The following COL8A1 variants were observed in gnomAD, a reference collection of about 807,000 sequenced individuals.
COL8A1 encodes collagen type VIII alpha 1 chain, also known as collagen alpha-1(VIII) chain.
In COL8A1, 21 loss-of-function variants were observed where a neutral mutation model predicts 42.7. That is an observed-to-expected ratio of 0.49 (90% CI 0.35 to 0.71). The LOEUF (loss-of-function observed/expected upper bound fraction) is 0.71, where lower values mean the gene tolerates loss of function less well. Ranked by LOEUF, COL8A1 falls within the 30% of genes least tolerant of loss-of-function variation. The probability of loss-of-function intolerance (pLI) is 0.01; values close to 1 mark genes in which losing one functional copy is unlikely to be tolerated. For missense variants in COL8A1, 788 were observed against 962.4 expected (o/e 0.82, Z 2.40); for synonymous variants, 367 against 369.1 (o/e 0.99, Z 0.06).
In COL8A1 at chr3:99,795,706, G is replaced by A. The variant is rs2107460850; in HGVS notation, c.1805G>A (p.Gly602Glu). ...IDGVKPPHAY[G>E]AKKGKNGGPA... ...GGCGTGAAACCCCCCCATGCCTACG[G>A]GGCTAAGAAAGGCAAGAATGGAGGG... The change falls in exon 4 of 4, where the codon GGG becomes GAG. Residue 602 changes from glycine to glutamate, a missense_variant. Physicochemically the swap from Gly to Glu is moderately conservative, Grantham distance 98. This residue lies in a region of COL8A1 where 212 missense variants were observed against 210.9 expected (regional missense o/e 1.00). Transcript: ENST00000652472. The A allele has an allele frequency of 6.8e-6, 11 of 1,614,100 alleles. No homozygotes were observed. The South Asian group carries it at 1.1e-4, about 16-fold the overall frequency.
At position 99,798,022 on chromosome 3, in the gene COL8A1, C is replaced by A. The variant is rs1376125223; in HGVS notation, c.*1886C>A. The A allele has an allele frequency of 6.6e-6, 1 of 151,862 alleles. No homozygotes were observed. Among genetic ancestry groups the A allele is most frequent in the African/African-American group, 2.4e-5 (1 of 41,332 alleles). 9.4% of individuals were successfully genotyped at this position (151,862 alleles called of 1,614,324 possible). ...GTGGTGGAATCTTGTATATTTTTGTCAAAAATAAAACCATGAGTTAAGGGG... is the reference window on the plus strand; with the variant it reads ...GTGGTGGAATCTTGTATATTTTTGTAAAAAATAAAACCATGAGTTAAGGGG... On this transcript the variant is annotated 3_prime_UTR_variant, in exon 4 of 4. Transcript: ENST00000652472.
intron 1 of COL8A1, among the ~76,000 whole-genome samples, chr3:99,647,775 G>T (rs555360844): frequency 3.9e-5 from 6 of 152,260 alleles, no homozygotes; most frequent in Admixed American, 2.6e-4. Flanking sequence ...CATCAATAGG[G>T]AGCTAATTTC....
intron 1 of COL8A1, among the ~76,000 whole-genome samples, chr3:99,706,843 C>T (rs1939692465): frequency 6.6e-6 from 1 of 152,016 alleles, no homozygotes; most frequent in Admixed American, 6.6e-5. Context: ...TTGAAATCAC[C>T]GCAAAAGGGA....
chr3:99,678,752 C>G (rs1938777450), intron 1 of COL8A1: 1 of 151,994 alleles, frequency 6.6e-6, no homozygotes, highest in Non-Finnish European at 1.5e-5. Context: ...AAAATAGTTA[C>G]TAATGTTGTT....
intron 1 of COL8A1, among the ~76,000 whole-genome samples, chr3:99,738,310 A>G (rs544956383): frequency 1.3e-5 from 2 of 152,264 alleles, no homozygotes; most frequent in East Asian, 3.9e-4. Flanking sequence ...TCTGATTTTT[A>G]GAGTTTCCAG....
At chr3:99,788,044 G>A (rs1039922696) in intron 2 of COL8A1, among the ~76,000 whole-genome samples, 6 of 152,156 alleles carry the variant, frequency 3.9e-5, no homozygotes, top group Non-Finnish European at 8.8e-5. Context: ...TTTCTTGCCA[G>A]GTGTTTGTAT....
intron 1 of COL8A1, among the ~76,000 whole-genome samples, chr3:99,743,828 T>C (rs1398469572): frequency 6.6e-6 from 1 of 152,224 alleles, no homozygotes; most frequent in Non-Finnish European, 1.5e-5. Flanking sequence ...GATACCCAGT[T>C]CTGCATTTAT....
At chr3:99,667,626 C>T (rs1301092298) in intron 1 of COL8A1, among the ~76,000 whole-genome samples, 1 of 152,074 alleles carries the variant, frequency 6.6e-6, no homozygotes, top group East Asian at 1.9e-4. Flanking sequence ...AAGACAGGAA[C>T]TAATAAGACA....
chr3:99,724,309 A>G (rs888504934), intron 1 of COL8A1, among the ~76,000 whole-genome samples: 10 of 152,248 alleles, frequency 6.6e-5, no homozygotes, highest in African/African-American at 1.9e-4. Context: ...ATCAGCAGCT[A>G]GAAAATCTAA....
chr3:99,780,023 T>G (rs1941766426), intron 2 of COL8A1, among the ~76,000 whole-genome samples: 1 of 152,184 alleles, frequency 6.6e-6, no homozygotes, highest in Non-Finnish European at 1.5e-5. Context: ...TGAAGCAAAG[T>G]GTCACGGAAC....
At position 99,656,384 on chromosome 3, in the gene COL8A1, T is replaced by C. The variant is rs565785746; in HGVS notation, c.-129+17720T>C. Among the ~76,000 whole-genome samples, 4 of 152,202 alleles carry C rather than the reference T, an allele frequency of 2.6e-5. No individual in the cohort carries two copies. In the South Asian group the frequency reaches 8.3e-4, roughly 32 times the overall value. ...TGTCAGCTTGACATGATCAAAGTGG[T>C]TATCTAAAATCCCAAACCTTAAGTT... On this transcript the variant is annotated intron_variant, in intron 1 of 3. Transcript: ENST00000652472.
chr3:99,675,061 G>A (rs1398029733), intron 1 of COL8A1, among the ~76,000 whole-genome samples: 1 of 151,982 alleles, frequency 6.6e-6, no homozygotes, highest in East Asian at 1.9e-4. Context: ...GGAATAACTA[G>A]AGATAAGCCC....
At chr3:99,743,084 G>T (rs1559624824) in intron 1 of COL8A1, among the ~76,000 whole-genome samples, 2 of 152,210 alleles carry the variant, frequency 1.3e-5, no homozygotes, top group South Asian at 4.2e-4. Flanking sequence ...ATTACTTATA[G>T]GCCTTTTCCT....
At chr3:99,724,352 C>T (rs1486073398) in intron 1 of COL8A1, among the ~76,000 whole-genome samples, 2 of 152,058 alleles carry the variant, frequency 1.3e-5, no homozygotes, top group African/African-American at 2.4e-5. Flanking sequence ...ATCAAAACTG[C>T]ATTTATTTGC....
At chr3:99,764,705 T>TTC (rs951015671) in intron 2 of COL8A1, among the ~76,000 whole-genome samples, 5 of 146,230 alleles carry the variant, frequency 3.4e-5, no homozygotes, top group African/African-American at 7.5e-5. Context: ...TTTTTTCTTT[T>TTC]TTTTTTTTTT....
rs892221100 is a variant in COL8A1 at position 99,796,103 on chromosome 3, C to T, written c.2202C>T (p.Ser734=). The T allele has an allele frequency of 1.9e-5, 29 of 1,540,320 alleles. No homozygotes were observed. The highest frequency in any genetic ancestry group is 2.5e-5 in the Non-Finnish European group (29 of 1,142,084). ...AGLYAGQYVH[S]SFSGYLLYPM ...TGTATGCCGGGCAGTATGTCCACTC[C>T]TCCTTTTCAGGATATTTATTGTATC... is the stretch of plus-strand genomic sequence containing the variant. The change falls in exon 4 of 4, where the codon TCC becomes TCT. Residue 734 remains serine, a synonymous_variant. Coordinates refer to ENST00000652472, the MANE Select transcript of COL8A1 (RefSeq NM_020351.4).
At chr3:99,732,520 A>T (rs1021576082) in intron 1 of COL8A1, among the ~76,000 whole-genome samples, 1 of 152,066 alleles carries the variant, frequency 6.6e-6, no homozygotes, top group Admixed American at 6.6e-5. Context: ...ATCAGATCTC[A>T]TGAGCACTCA....
intron 2 of COL8A1, among the ~76,000 whole-genome samples, chr3:99,751,484 G>A (rs1038343837): frequency 1.4e-4 from 21 of 152,152 alleles, no homozygotes; most frequent in African/African-American, 5.1e-4. Context: ...GCTTGAACCA[G>A]GCAGGTGGAG....
chr3:99,733,797 C>T (rs1157234634), intron 1 of COL8A1, among the ~76,000 whole-genome samples: 3 of 151,838 alleles, frequency 2.0e-5, no homozygotes, highest in Non-Finnish European at 2.9e-5. Flanking sequence ...TCTCCACATC[C>T]TCTCCAGCAC....
Sources: gnomAD v4.1 joint callset for allele counts (sites outside exome capture counted in the v4.1 genomes callset) on GRCh38, gnomAD v4.1.1 for gene constraint, gnomAD v4.1.1 regional missense constraint, MANE v1.5 for transcripts, NCBI Gene and HGNC (gene_info 2026-07-23, HGNC 2026-07-21) for gene names.